The following AGBL4 variants were observed in gnomAD, a reference collection of about 807,000 sequenced individuals.
AGBL4 encodes the protein cytosolic carboxypeptidase 6.
Under a neutral mutation model 66.4 loss-of-function variants are expected in AGBL4, and 58 were observed. The ratio of observed to expected loss-of-function variants is 0.87; its 90% CI spans 0.71 to 1.09. The LOEUF is 1.09. AGBL4 is among the 50% of genes least tolerant of loss of function. The pLI, the probability that AGBL4 is intolerant of heterozygous loss-of-function variation, is 0.00. For synonymous variants in AGBL4, 234 were observed against 222.9 expected (o/e 1.05, Z -0.44); for missense variants, 579 against 631.0 (o/e 0.92, Z 0.88).
At chr1:49,354,127 A>AT (rs1169364685) in intron 3 of AGBL4, among the ~76,000 whole-genome samples, 2 of 152,164 alleles carry the variant, frequency 1.3e-5, no homozygotes, top group Admixed American at 1.3e-4. Flanking sequence ...ACACCCCTAG[A>AT]TGCTACCATG....
At chr1:49,492,327 T>A (rs1457329893) in intron 3 of AGBL4, among the ~76,000 whole-genome samples, 1 of 151,910 alleles carries the variant, frequency 6.6e-6, no homozygotes, top group African/African-American at 2.4e-5. Context: ...AATGGGCTGA[T>A]TGATGTTCTG....
intron 2 of AGBL4, among the ~76,000 whole-genome samples, chr1:49,839,735 G>A (rs183912294): frequency 2.0e-4 from 31 of 152,258 alleles, no homozygotes; most frequent in Middle Eastern, 3.4e-3. Context: ...AAGCTACAGG[G>A]TTAAAACAGT....
chr1:49,668,729 A>G (rs1191469356), intron 3 of AGBL4, among the ~76,000 whole-genome samples: 1 of 152,212 alleles, frequency 6.6e-6, no homozygotes, highest in Non-Finnish European at 1.5e-5. Context: ...AATTGATTAG[A>G]AGCACAGTTA....
intron 9 of AGBL4, among the ~76,000 whole-genome samples, chr1:48,608,689 T>G (rs921297298): frequency 6.6e-6 from 1 of 152,186 alleles, no homozygotes; most frequent in Non-Finnish European, 1.5e-5. Context: ...GAGGCTTCTA[T>G]TCTAGCTTTT....
chr1:49,302,785 T>G (rs942002753), intron 3 of AGBL4, among the ~76,000 whole-genome samples: 1 of 151,730 alleles, frequency 6.6e-6, no homozygotes, highest in East Asian at 1.9e-4. Context: ...AAGCCCCACA[T>G]GCATTAGCTA....
At chr1:48,755,025 G>A (rs1652330299) in intron 6 of AGBL4, among the ~76,000 whole-genome samples, 1 of 152,156 alleles carries the variant, frequency 6.6e-6, no homozygotes, top group Admixed American at 6.5e-5. Context: ...AATACTTCCT[G>A]TTAAATCCAT....
chr1:49,650,462 C>T (rs908893865), intron 3 of AGBL4, among the ~76,000 whole-genome samples: 1 of 152,152 alleles, frequency 6.6e-6, no homozygotes, highest in East Asian at 1.9e-4. Flanking sequence ...TCAGAAACTT[C>T]CTAGGGACAG....
At chr1:49,075,507 A>T (rs1429202937) in intron 4 of AGBL4, among the ~76,000 whole-genome samples, 1 of 152,172 alleles carries the variant, frequency 6.6e-6, no homozygotes, top group East Asian at 1.9e-4. Flanking sequence ...TGCTTTCATA[A>T]ATGTTTTATC....
rs552092961 is a variant in AGBL4 at position 49,088,646 on chromosome 1, A to T, written c.378-42846T>A. 1.6e-3 allele frequency among the ~76,000 whole-genome samples: 239 copies of T among 152,300 alleles called. 4 individuals carry two copies. Among genetic ancestry groups the T allele is most frequent in the African/African-American group, 5.6e-3 (232 of 41,570 alleles). On this transcript the variant is annotated intron_variant, in intron 4 of 13. Transcript: ENST00000371839. The stretch of plus-strand genomic sequence containing the variant: ...AAAGAGACTTAGCTAATCATACAAT[A>T]ATAGTAGGAGATGTCAACATCCCAT...
intron 1 of AGBL4, among the ~76,000 whole-genome samples, chr1:49,998,835 C>T (rs1353882270): frequency 5.3e-5 from 8 of 152,156 alleles, no homozygotes; most frequent in Non-Finnish European, 1.0e-4. Flanking sequence ...ACAAAAATCA[C>T]ATGATTATCT....
At chr1:48,675,562 T>C (rs1646351877) in intron 6 of AGBL4, among the ~76,000 whole-genome samples, 1 of 152,228 alleles carries the variant, frequency 6.6e-6, no homozygotes, top group Non-Finnish European at 1.5e-5. Context: ...ATAATGGATT[T>C]TAAAACATCC....
At chr1:50,021,779 G>A in intron 1 of AGBL4, among the ~76,000 whole-genome samples, 1 of 152,070 alleles carries the variant, frequency 6.6e-6, no homozygotes, top group East Asian at 1.9e-4. Flanking sequence ...TCTCCACATT[G>A]TAGCCAGAGT....
intron 4 of AGBL4, among the ~76,000 whole-genome samples, chr1:49,219,225 T>A (rs375882670): frequency 1.3e-5 from 2 of 152,168 alleles, no homozygotes; most frequent in Non-Finnish European, 2.9e-5. Flanking sequence ...CATTCTTCTT[T>A]AAATATGTCA....
At chr1:49,616,363 G>A (rs375896112) in intron 3 of AGBL4, among the ~76,000 whole-genome samples, 1 of 152,028 alleles carries the variant, frequency 6.6e-6, no homozygotes, top group South Asian at 2.1e-4. Context: ...TCTTCATTTG[G>A]TTTTACTATA....
At chr1:49,190,076 G>C (rs1647087403) in intron 4 of AGBL4, among the ~76,000 whole-genome samples, 1 of 152,198 alleles carries the variant, frequency 6.6e-6, no homozygotes, top group Non-Finnish European at 1.5e-5. Context: ...CCTGTTCTAT[G>C]TGATTCTTTA....
intron 1 of AGBL4, among the ~76,000 whole-genome samples, chr1:49,867,039 T>C (rs1303691014): frequency 2.0e-5 from 3 of 152,046 alleles, no homozygotes; most frequent in Admixed American, 2.0e-4. Flanking sequence ...AATATCAGCA[T>C]CTTTCCTGTC....
chr1:49,601,266 A>G (rs1468935499), intron 3 of AGBL4, among the ~76,000 whole-genome samples: 1 of 151,914 alleles, frequency 6.6e-6, no homozygotes, highest in African/African-American at 2.4e-5. Context: ...AGGAACACCA[A>G]TCAAATGCAG....
chr1:49,799,458 T>C (rs1030618823), intron 2 of AGBL4, among the ~76,000 whole-genome samples: 1 of 152,136 alleles, frequency 6.6e-6, no homozygotes, highest in Admixed American at 6.5e-5. Context: ...TCCATGAATA[T>C]CCTCATTGGA....
At chr1:49,446,956 C>T (rs1570738031) in intron 3 of AGBL4, among the ~76,000 whole-genome samples, 1 of 152,112 alleles carries the variant, frequency 6.6e-6, no homozygotes, top group South Asian at 2.1e-4. Context: ...GGCAGGGACC[C>T]CATCCTTCAT....
Sources: gnomAD v4.1 joint callset for allele counts (sites outside exome capture counted in the v4.1 genomes callset) on GRCh38, gnomAD v4.1.1 for gene constraint, MANE v1.5 for transcripts, NCBI Gene and HGNC (gene_info 2026-07-23, HGNC 2026-07-21) for gene names.